IGBP1: variants seen among roughly 807,000 people sequenced by gnomAD.
IGBP1 encodes immunoglobulin-binding protein 1.
In IGBP1, 2 loss-of-function variants were observed where a neutral mutation model predicts 25.9. That is an observed-to-expected ratio of 0.08 (90% CI 0.03 to 0.24). The LOEUF is 0.24. Among genes scored for constraint, IGBP1 ranks in the 10% least tolerant of loss-of-function variants. The pLI is 1.00. For synonymous variants in IGBP1, 96 were observed against 93.4 expected (o/e 1.03, Z -0.16); for missense variants, 187 against 260.4 (o/e 0.72, Z 1.94).
chrX:70,137,861 G>A (rs1244492980), intron 3 of IGBP1, among the ~76,000 whole-genome samples: 2 of 109,268 alleles, frequency 1.8e-5, no homozygotes, highest in African/African-American at 3.3e-5. Flanking sequence ...CACCAGGCGC[G>A]GTGGCTTATG....
intron 6 of IGBP1, among the ~76,000 whole-genome samples, chrX:70,158,280 C>A (rs928144410): frequency 9.0e-6 from 1 of 111,525 alleles, no homozygotes; most frequent in Non-Finnish European, 1.9e-5. Flanking sequence ...CAGGGACTCA[C>A]ACTGAGGAGA....
intron 3 of IGBP1, among the ~76,000 whole-genome samples, chrX:70,140,010 C>T (rs2085120537): frequency 8.9e-6 from 1 of 112,640 alleles, no homozygotes; most frequent in South Asian, 3.6e-4. Flanking sequence ...CGTCATATGG[C>T]TAATTCTTCA....
chrX:70,154,486 A>G (rs2085224984), intron 6 of IGBP1, among the ~76,000 whole-genome samples: 1 of 107,911 alleles, frequency 9.3e-6, no homozygotes, highest in Admixed American at 1.0e-4. Context: ...ACAAGCCACA[A>G]CCTGGGAGAA....
At chrX:70,155,789 T>C (rs942375929) in intron 6 of IGBP1, among the ~76,000 whole-genome samples, 2 of 111,699 alleles carry the variant, frequency 1.8e-5, no homozygotes, top group African/African-American at 6.5e-5. Flanking sequence ...TATAGTAATA[T>C]CAGATAAAGT....
In IGBP1 at chrX:70,137,061, A is replaced by G. The variant is rs1210809863; in HGVS notation, c.482+2245A>G. ...ATTTGCATTTTAGCTAGTACACTGT[A>G]CCAGCAGTTAGGAAACAGTGAGGGA... On this transcript the variant is annotated intron_variant, in intron 3 of 6. Coordinates refer to ENST00000356413, the MANE Select transcript of IGBP1 (RefSeq NM_001551.3). Among the ~76,000 whole-genome samples, 4 of 111,327 alleles carry G rather than the reference A, an allele frequency of 3.6e-5. No homozygotes were observed. In the East Asian group the frequency reaches 1.1e-3, roughly 31 times the overall value.
intron 6 of IGBP1, among the ~76,000 whole-genome samples, chrX:70,153,467 A>T (rs1186561832): frequency 8.9e-6 from 1 of 112,118 alleles, no homozygotes; most frequent in Non-Finnish European, 1.9e-5. Context: ...AGCAAAAATT[A>T]CAATATTGAC....
intron 6 of IGBP1, among the ~76,000 whole-genome samples, chrX:70,160,302 G>A (rs898722511): frequency 5.4e-5 from 6 of 111,508 alleles, no homozygotes; most frequent in Non-Finnish European, 9.4e-5. Flanking sequence ...ACAAGACATA[G>A]TCTAATAAAA....
intron 6 of IGBP1, among the ~76,000 whole-genome samples, chrX:70,156,084 G>A (rs1396202130): frequency 5.4e-5 from 6 of 110,598 alleles, no homozygotes; most frequent in Non-Finnish European, 1.9e-5. Context: ...TGTCTTCTGT[G>A]GGCATGGTTT....
At chrX:70,153,356 TACTC>T (rs2085215171) in intron 6 of IGBP1, among the ~76,000 whole-genome samples, 1 of 112,092 alleles carries the variant, frequency 8.9e-6, no homozygotes, top group Non-Finnish European at 1.9e-5. Context: ...GAAATGTAAA[TACTC>T]AAGTAGTGAA....
At chrX:70,154,738 T>TAAAAAAAAAAAAAAAAAAAAA (rs2085228211) in intron 6 of IGBP1, among the ~76,000 whole-genome samples, 2 of 22,626 alleles carry the variant, frequency 8.8e-5, no homozygotes, top group African/African-American at 1.4e-4. Flanking sequence ...AAAAAAAAAG[T>TAAAAAAAAAAAAAAAAAAAAA]TTTAAAAAAC....
intron 6 of IGBP1, among the ~76,000 whole-genome samples, chrX:70,152,245 C>T (rs1259480567): frequency 9.0e-6 from 1 of 111,352 alleles, no homozygotes; most frequent in African/African-American, 3.3e-5. Flanking sequence ...TATGCATGCA[C>T]AGAATGGACT....
chrX:70,146,151 G>A (rs779276492), intron 3 of IGBP1, among the ~76,000 whole-genome samples: 63 of 111,963 alleles, frequency 5.6e-4, no homozygotes, highest in South Asian at 1.1e-3. Context: ...GAAGAGCTGC[G>A]AAAGTTTTGC....
At chrX:70,150,960 CTTT>C (rs781386144) in intron 6 of IGBP1, among the ~76,000 whole-genome samples, 1 of 99,302 alleles carries the variant, frequency 1.0e-5, no homozygotes, top group Non-Finnish European at 2.1e-5. Context: ...ACTCCTGTCA[CTTT>C]TTTTTTTTTT....
At chrX:70,145,991 A>G (rs974501974) in intron 3 of IGBP1, among the ~76,000 whole-genome samples, 6 of 111,816 alleles carry the variant, frequency 5.4e-5, no homozygotes, top group African/African-American at 2.0e-4. Context: ...AAGGACTTTT[A>G]TATGCTGCTG....
chrX:70,142,363 GGTAGAAAAATGA>G (rs1259812807), intron 3 of IGBP1, among the ~76,000 whole-genome samples: 2 of 110,802 alleles, frequency 1.8e-5, no homozygotes, highest in Non-Finnish European at 3.8e-5. Context: ...CATTTGAAAG[GGTAGAAAAATGA>G]GTTGAGGGAA....
intron 3 of IGBP1, among the ~76,000 whole-genome samples, chrX:70,140,922 T>G: frequency 9.0e-6 from 1 of 111,628 alleles, no homozygotes; most frequent in Middle Eastern, 4.6e-3. Flanking sequence ...TGTGAAAAAT[T>G]TAGGAGGCCT....
At chrX:70,162,018 G>A (rs912593821) in intron 6 of IGBP1, among the ~76,000 whole-genome samples, 1 of 112,049 alleles carries the variant, frequency 8.9e-6, no homozygotes, top group Non-Finnish European at 1.9e-5. Context: ...CTCCCCTACA[G>A]AAAAATTTCA....
chrX:70,160,586 C>T (rs2085266172), intron 6 of IGBP1, among the ~76,000 whole-genome samples: 1 of 112,009 alleles, frequency 8.9e-6, no homozygotes, highest in Non-Finnish European at 1.9e-5. Flanking sequence ...TCCACCATCC[C>T]ATGAATTTGC....
rs2085296544 is a variant in IGBP1 at position 70,166,129 on chromosome X, G to T, written c.*148G>T. Reference sequence around the variant, plus strand: ...TGCTTTGCATTCAGTAAAGTGTCAAGTGATTAAGTGTGTATTTGTACCCTA... The same window carrying T: ...TGCTTTGCATTCAGTAAAGTGTCAATTGATTAAGTGTGTATTTGTACCCTA... On this transcript the variant is annotated 3_prime_UTR_variant, in exon 7 of 7. Transcript: ENST00000356413. The T allele has an allele frequency of 2.0e-6, 1 of 508,926 alleles. No homozygotes were observed. Among genetic ancestry groups the T allele is most frequent in the Admixed American group, 3.7e-5 (1 of 26,766 alleles). 41.9% of individuals were successfully genotyped at this position (508,926 alleles called of 1,213,427 possible).
Sources: gnomAD v4.1 joint callset for allele counts (sites outside exome capture counted in the v4.1 genomes callset) on GRCh38, gnomAD v4.1.1 for gene constraint, MANE v1.5 for transcripts, NCBI Gene and HGNC (gene_info 2026-07-23, HGNC 2026-07-21) for gene names.